The following CSNK1G1 variants were observed in gnomAD, a reference collection of about 807,000 sequenced individuals.
The protein encoded by CSNK1G1 is casein kinase I isoform gamma-1.
Under a neutral mutation model 59.6 loss-of-function variants are expected in CSNK1G1, and 22 were observed. The ratio of observed to expected loss-of-function variants is 0.37; its 90% CI spans 0.26 to 0.53. The LOEUF is 0.53. Among genes scored for constraint, CSNK1G1 ranks in the 20% least tolerant of loss-of-function variants. CSNK1G1 has a pLI of 0.89. For synonymous variants in CSNK1G1, 179 were observed against 177.1 expected (o/e 1.01, Z -0.08); for missense variants, 384 against 519.5 (o/e 0.74, Z 2.54).
intron 11 of CSNK1G1, among the ~76,000 whole-genome samples, chr15:64,173,823 G>A (rs773875014): frequency 8.6e-5 from 13 of 151,564 alleles, no homozygotes; most frequent in Non-Finnish European, 1.5e-4. Context: ...CATGTTGGCC[G>A]GGCTGGTCTG....
At chr15:64,305,772 C>CAAAAA (rs55865359) in intron 1 of CSNK1G1, among the ~76,000 whole-genome samples, 2 of 134,270 alleles carry the variant, frequency 1.5e-5, no homozygotes, top group African/African-American at 2.8e-5. Flanking sequence ...TGTGATATTG[C>CAAAAA]AAAAAAAAAA....
chr15:64,229,606 T>C (rs1647223448), intron 4 of CSNK1G1, among the ~76,000 whole-genome samples: 1 of 151,502 alleles, frequency 6.6e-6, no homozygotes, highest in African/African-American at 2.4e-5. Flanking sequence ...GACCACCACA[T>C]GGAGAAAGCC....
At chr15:64,186,883 G>A (rs1206339772) in intron 10 of CSNK1G1, among the ~76,000 whole-genome samples, 1 of 151,966 alleles carries the variant, frequency 6.6e-6, no homozygotes, top group South Asian at 2.1e-4. Context: ...GAGTGCAATG[G>A]CGTGATCTCG....
chr15:64,238,018 A>C (rs1357667100), intron 4 of CSNK1G1, among the ~76,000 whole-genome samples: 1 of 152,172 alleles, frequency 6.6e-6, no homozygotes, highest in African/African-American at 2.4e-5. Flanking sequence ...CTGTGGGAAA[A>C]AAATTTCAAA....
At chr15:64,334,722 C>T (rs917241155) in intron 1 of CSNK1G1, among the ~76,000 whole-genome samples, 1 of 152,066 alleles carries the variant, frequency 6.6e-6, no homozygotes, top group Non-Finnish European at 1.5e-5. Flanking sequence ...AGGTGGCGCT[C>T]GGGCAGTAAT....
rs1335344557 is a variant in CSNK1G1 at position 64,169,408 on chromosome 15, T to G, written c.*2523A>C. ...CCACCATGCCCAGCTAATTTTTGTA[T>G]TTTTTGTAGAGACGGGGTTTCACCA... is the stretch of plus-strand genomic sequence containing the variant. On this transcript the variant is annotated 3_prime_UTR_variant, in exon 12 of 12. Transcript: ENST00000303052. The G allele has an allele frequency of 2.6e-5, 4 of 152,164 alleles. No individual in the cohort carries two copies. Among genetic ancestry groups the G allele is most frequent in the African/African-American group, 9.7e-5 (4 of 41,416 alleles). 9.4% of individuals were successfully genotyped at this position (152,164 alleles called of 1,614,324 possible).
At chr15:64,183,141 G>A (rs1362250438) in intron 10 of CSNK1G1, among the ~76,000 whole-genome samples, 1 of 152,170 alleles carries the variant, frequency 6.6e-6, no homozygotes, top group Non-Finnish European at 1.5e-5. Context: ...CATCACCACT[G>A]AGAATTACCT....
chr15:64,295,257 G>A (rs1051071709), intron 2 of CSNK1G1, among the ~76,000 whole-genome samples: 8 of 152,008 alleles, frequency 5.3e-5, no homozygotes, highest in East Asian at 3.9e-4. Context: ...TTATTGGAAC[G>A]CTAGGCTGGT....
intron 1 of CSNK1G1, among the ~76,000 whole-genome samples, chr15:64,354,666 G>C (rs1366585246): frequency 1.3e-5 from 2 of 151,854 alleles, no homozygotes; most frequent in Non-Finnish European, 2.9e-5. Context: ...TCACAAAACT[G>C]GGCTGCCTTG....
In CSNK1G1 at chr15:64,165,817, T is replaced by C. The variant is rs2081596302; in HGVS notation, c.*6114A>G. ...TCCTCCCCAAACTGGGGAAGAGGTA[T>C]ACTTAAAGATCACATTTGTGTTTTC... On this transcript the variant is annotated 3_prime_UTR_variant, in exon 12 of 12. Coordinates refer to ENST00000303052, the MANE Select transcript of CSNK1G1 (RefSeq NM_022048.5). 2.4e-6 allele frequency: 1 copy of C among 410,842 alleles called. No individual in the cohort carries two copies. The highest frequency in any genetic ancestry group is 4.3e-6 in the Non-Finnish European group (1 of 232,904). The allele number at this position is 410,842 out of a possible 1,614,324, so 25.4% of individuals were successfully genotyped here.
chr15:64,204,501 G>T lies in CSNK1G1; in HGVS notation c.939C>A (p.Asp313Glu). The T allele has an allele frequency of 6.2e-7, 1 of 1,613,486 alleles. No individual in the cohort carries two copies. The highest frequency in any genetic ancestry group is 1.7e-5 in the Admixed American group (1 of 59,976). Residue 313 changes from aspartate (D) to glutamate (E), a missense_variant, in exon 9 of 12, where the codon GAC becomes GAA. Physicochemically the swap from Asp to Glu is conservative, Grantham distance 45. Transcript: ENST00000303052. The stretch of plus-strand genomic sequence containing the variant: ...AGGTGTAGCCTTTCTTTTCAAAGAG[G>T]TCTGTGAAGAGGGTCCGTAAATACT... The part of the protein sequence containing the change: ...DYEYLRTLFT[D>E]LFEKKGYTFD...
rs1377883830 is a variant in CSNK1G1, at chr15:64,171,672, C to T, written c.*259G>A. 1.9e-6 allele frequency: 1 copy of T among 540,164 alleles called. No individual in the cohort carries two copies. Among genetic ancestry groups the T allele is most frequent in the African/African-American group, 1.9e-5 (1 of 52,666 alleles). The allele number at this position is 540,164 out of a possible 1,614,324, so 33.5% of individuals were successfully genotyped here. On this transcript the variant is annotated 3_prime_UTR_variant, in exon 12 of 12. Transcript: ENST00000303052. This position sits in a 1 kb window ranked among gnomAD's most constrained non-coding sequence, Gnocchi z 4.8. ...TGTAAACAATGGGAAGGAGAGTCAACCAGGCAGCCCTATGGGCAAGCAGTG... is the reference window on the plus strand; with the variant it reads ...TGTAAACAATGGGAAGGAGAGTCAATCAGGCAGCCCTATGGGCAAGCAGTG...
chr15:64,323,511 A>C (rs528844417), intron 1 of CSNK1G1, among the ~76,000 whole-genome samples: 46 of 152,076 alleles, frequency 3.0e-4, no homozygotes, highest in African/African-American at 1.1e-3. Flanking sequence ...GATTACAGGC[A>C]TGTGCCACCA....
chr15:64,275,618 C>T (rs529019796), intron 2 of CSNK1G1, among the ~76,000 whole-genome samples: 1 of 152,202 alleles, frequency 6.6e-6, no homozygotes, highest in East Asian at 1.9e-4. Flanking sequence ...ATGGTATATA[C>T]AGCATGTTTA....
At chr15:64,310,947 G>A (rs1305250378) in intron 1 of CSNK1G1, among the ~76,000 whole-genome samples, 1 of 146,946 alleles carries the variant, frequency 6.8e-6, no homozygotes, top group Admixed American at 6.8e-5. Flanking sequence ...GGAAGTTGCA[G>A]TGAGCAGAGA....
intron 10 of CSNK1G1, among the ~76,000 whole-genome samples, chr15:64,187,717 G>T (rs893232413): frequency 2.6e-5 from 4 of 152,134 alleles, no homozygotes; most frequent in African/African-American, 9.7e-5. Flanking sequence ...CCAACTGATG[G>T]TGTCACTTAC....
intron 6 of CSNK1G1, among the ~76,000 whole-genome samples, chr15:64,212,582 G>A (rs1359528640): frequency 6.6e-6 from 1 of 152,134 alleles, no homozygotes; most frequent in Non-Finnish European, 1.5e-5. Flanking sequence ...TGGGCATGAT[G>A]GCATGCGCCT....
chr15:64,218,101 C>A (rs546829910), intron 4 of CSNK1G1, among the ~76,000 whole-genome samples: 37 of 151,950 alleles, frequency 2.4e-4, no homozygotes, highest in Non-Finnish European at 4.3e-4. Context: ...GCTCGCTCTA[C>A]CACACCAGAC....
At chr15:64,327,014 G>T (rs1339887232) in intron 1 of CSNK1G1, among the ~76,000 whole-genome samples, 1 of 151,308 alleles carries the variant, frequency 6.6e-6, no homozygotes, top group Non-Finnish European at 1.5e-5. Context: ...ACCTGGCTCG[G>T]AGGGTCCTAC....
Sources: allele counts gnomAD v4.1 joint callset (sites outside exome capture counted in the v4.1 genomes callset), GRCh38; gene constraint gnomAD v4.1.1; non-coding constraint Gnocchi (gnomAD v3.1); transcripts MANE v1.5; gene names NCBI Gene and HGNC (gene_info 2026-07-23, HGNC 2026-07-21).